The following CALML4 variants were observed in gnomAD, a reference collection of about 807,000 sequenced individuals.
The protein encoded by CALML4 is calmodulin-like protein 4.
Under a neutral mutation model 17.9 loss-of-function variants are expected in CALML4, and 16 were observed. The ratio of observed to expected loss-of-function variants is 0.89; its 90% CI spans 0.61 to 1.36. The LOEUF is 1.36. Ranked by LOEUF, CALML4 falls within the 40% of genes most tolerant of loss-of-function variation. CALML4 has a pLI of 0.00. For missense variants in CALML4, 203 were observed against 194.8 expected, an observed-to-expected ratio of 1.04 and a Z score of -0.25; for synonymous variants, 86 against 71.5, an observed-to-expected ratio of 1.20 and a Z score of -1.02.
intron 2 of CALML4, among the ~76,000 whole-genome samples, chr15:68,201,105 G>A (rs2093164212): frequency 6.6e-6 from 1 of 152,196 alleles, no homozygotes; most frequent in Non-Finnish European, 1.5e-5. Context: ...TTTCAGGGGG[G>A]TCACTAAAGA....
intron 2 of CALML4, among the ~76,000 whole-genome samples, chr15:68,202,638 G>C (rs1396283494): frequency 7.4e-6 from 1 of 135,528 alleles, no homozygotes; most frequent in Non-Finnish European, 1.5e-5. Flanking sequence ...AATGAGTTTT[G>C]CCAACTTTTT....
chr15:68,194,839 G>A (rs2093136416), intron 4 of CALML4, among the ~76,000 whole-genome samples: 1 of 151,460 alleles, frequency 6.6e-6, no homozygotes, highest in Non-Finnish European at 1.5e-5. Flanking sequence ...CTCCTCACTT[G>A]CCTGCCTTTT....
Position 68,193,185 on chromosome 15 carries a change from C to G in CALML4, c.*830G>C, listed in dbSNP as rs1445394392. 1 of 152,384 alleles carries G rather than the reference C, an allele frequency of 6.6e-6. No individual in the cohort carries two copies. Among genetic ancestry groups the G allele is most frequent in the East Asian group, 1.9e-4 (1 of 5,206 alleles). 9.4% of individuals were successfully genotyped at this position (152,384 alleles called of 1,614,324 possible). On this transcript the variant is annotated 3_prime_UTR_variant, in exon 5 of 5. Coordinates refer to ENST00000467889, the MANE Select transcript of CALML4 (RefSeq NM_033429.3). ...ATCCCGGAACCTCTCTGCCTGTTAA[C>G]AGAGCCCAGGGAACAGCTCGGAATT...
At chr15:68,194,253 TG>T (rs1437537775) in intron 4 of CALML4, 141 bp from the exon 5 acceptor site, 1 of 632,920 alleles carries the variant, frequency 1.6e-6, no homozygotes. Context: ...AGTAAACCAG[TG>T]AACAGAAAGG....
Position 68,200,006 on chromosome 15 carries a change from T to C in CALML4, c.35-325A>G. ...TGTATTTTATCTGGCTCCCCTTCCC[T>C]TTCTCCCTACTCCCTCCCTTCCTTC... On this transcript the variant is annotated intron_variant, in intron 2 of 4. Transcript: ENST00000467889. This position sits in a 1 kb window ranked among gnomAD's most constrained non-coding sequence, Gnocchi z 4.3. The C allele has an allele frequency of 5.6e-6, 1 of 177,294 alleles. No individual in the cohort carries two copies. Among genetic ancestry groups the C allele is most frequent in the Non-Finnish European group, 1.2e-5 (1 of 84,650 alleles). The allele number at this position is 177,294 out of a possible 1,614,324, so 11.0% of individuals were successfully genotyped here. A position where few individuals can be genotyped will look rare whatever the true frequency, so the allele number is the denominator to read the frequency against.
intron 4 of CALML4, among the ~76,000 whole-genome samples, chr15:68,195,140 C>A (rs1001852672): frequency 5.9e-5 from 9 of 152,074 alleles, no homozygotes; most frequent in Admixed American, 3.9e-4. Context: ...TGGCAAGAGC[C>A]ATTTCAGCTT....
At chr15:68,203,315 T>C (rs1042392524) in intron 2 of CALML4, among the ~76,000 whole-genome samples, 7 of 152,226 alleles carry the variant, frequency 4.6e-5, no homozygotes, top group African/African-American at 1.4e-4. Context: ...ATTTGACAAA[T>C]GAAGCTGCGC....
intron 4 of CALML4, 88 bp from the exon 5 acceptor site, chr15:68,194,200 G>A: frequency 2.1e-6 from 2 of 944,944 alleles, no homozygotes; most frequent in Non-Finnish European, 3.4e-6. Context: ...GCTCCCCTAA[G>A]GTCTTCCCTG....
In CALML4 at chr15:68,205,293, G is replaced by A. The variant is rs368428669; in HGVS notation, c.-46C>T. 14 of 1,613,968 alleles carry A rather than the reference G, an allele frequency of 8.7e-6. No individual in the cohort carries two copies. The highest frequency in any genetic ancestry group is 2.2e-5 in the South Asian group (2 of 91,082). ...CCGTGGGCTTGCTGCTCCCAGAACCGCGTTCAGTTCCCTTTCCTCCAGCCT... is the reference window on the plus strand; with the variant it reads ...CCGTGGGCTTGCTGCTCCCAGAACCACGTTCAGTTCCCTTTCCTCCAGCCT... On this transcript the variant is annotated 5_prime_UTR_variant, in exon 1 of 5. Transcript: ENST00000467889. This position sits in a 1 kb window ranked among gnomAD's most constrained non-coding sequence, Gnocchi z 4.8.
intron 4 of CALML4, among the ~76,000 whole-genome samples, chr15:68,195,580 CAAAGACCCATAG>C (rs1431147669): frequency 3.9e-5 from 6 of 152,282 alleles, no homozygotes; most frequent in South Asian, 2.1e-4. Context: ...CATCTCACTT[CAAAGACCCATAG>C]AAAGCCAAAG....
chr15:68,196,110 G>A (rs945113122), intron 4 of CALML4, among the ~76,000 whole-genome samples: 11 of 152,158 alleles, frequency 7.2e-5, no homozygotes, highest in South Asian at 4.1e-4. Flanking sequence ...GTGTAGTGGC[G>A]CAAGCTCGGC....
At chr15:68,194,148 T>C in intron 4 of CALML4, 36 bp from the exon 5 acceptor site, 1 of 1,552,694 alleles carries the variant, frequency 6.4e-7, no homozygotes, top group Non-Finnish European at 8.9e-7. Context: ...CAGTTTGGCT[T>C]TAGTGTTCCA....
At position 68,194,091 on chromosome 15, in the gene CALML4, G is replaced by C; in HGVS notation, c.386C>G (p.Ala129Gly). ...HKEVDDLFRE[A>G]DIEPNGKVKY... ...CACTTTGCCATTGGGTTCGATATCT[G>C]CTTCCCTGAAGAGATCATCCACTGC... The change falls in exon 5 of 5, where the codon GCA (alanine) becomes GGA (glycine). Residue 129 changes from alanine (A) to glycine (G), a missense_variant. Physicochemically the swap from Ala to Gly is moderately conservative, Grantham distance 60 (BLOSUM62 0). Coordinates refer to ENST00000467889, the MANE Select transcript of CALML4 (RefSeq NM_033429.3). The C allele has an allele frequency of 1.2e-6, 2 of 1,613,036 alleles. No individual in the cohort carries two copies. Among genetic ancestry groups the C allele is most frequent in the South Asian group, 2.2e-5 (2 of 91,062 alleles).
rs2093124099 is a variant in CALML4, at chr15:68,192,326, C to T, written c.*1689G>A. ...AGGTAATGAAGTTTAAGCACCAGGACCCTTCACTTGTTCTGGTCCTAGGAG... is the reference window on the plus strand; with the variant it reads ...AGGTAATGAAGTTTAAGCACCAGGATCCTTCACTTGTTCTGGTCCTAGGAG... On this transcript the variant is annotated 3_prime_UTR_variant, in exon 5 of 5. Transcript: ENST00000467889. 6.6e-6 allele frequency: 1 copy of T among 152,112 alleles called. No individual in the cohort carries two copies. Among genetic ancestry groups the T allele is most frequent in the African/African-American group, 2.4e-5 (1 of 41,422 alleles). The allele number at this position is 152,112 out of a possible 1,614,324, so 9.4% of individuals were successfully genotyped here. A position where few individuals can be genotyped will look rare whatever the true frequency, so the allele number is the denominator to read the frequency against.
chr15:68,205,517 G>T, upstream of CALML4: 1 of 1,046,742 alleles, frequency 9.6e-7, no homozygotes, highest in Non-Finnish European at 1.4e-6. This position sits in a 1 kb window ranked among gnomAD's most constrained non-coding sequence, Gnocchi z 4.8. Flanking sequence ...GCCTCCAGAA[G>T]CCGAAGCAAA....
Position 68,194,037 on chromosome 15 carries a change from G to A in CALML4, c.440C>T (p.Thr147Ile), listed in dbSNP as rs1437825592. 2.5e-6 allele frequency: 4 copies of A among 1,613,712 alleles called. No individual in the cohort carries two copies. Among genetic ancestry groups the A allele is most frequent in the Non-Finnish European group, 3.4e-6 (4 of 1,179,694 alleles). ...VKYDEFIHKI[T>I]LPGRDY ...CCTTCAATAGTCCCGTCCAGGAAGGGTGATCTTGTGGATAAATTCATCATA... is the reference window on the plus strand; with the variant it reads ...CCTTCAATAGTCCCGTCCAGGAAGGATGATCTTGTGGATAAATTCATCATA... The change falls in exon 5 of 5, where the codon ACC (threonine) becomes ATC (isoleucine). Residue 147 changes from threonine to isoleucine, a missense_variant. By Grantham distance (89) the Thr-to-Ile change is moderately conservative (BLOSUM62 -1). Coordinates refer to ENST00000467889, the MANE Select transcript of CALML4 (RefSeq NM_033429.3).
intron 2 of CALML4, among the ~76,000 whole-genome samples, chr15:68,201,791 A>G (rs951372552): frequency 6.6e-6 from 1 of 152,142 alleles, no homozygotes; most frequent in African/African-American, 2.4e-5. Context: ...TGAACTTTGC[A>G]TTCCTGCACT....
At chr15:68,202,075 T>G (rs1297941833) in intron 2 of CALML4, among the ~76,000 whole-genome samples, 1 of 152,208 alleles carries the variant, frequency 6.6e-6, no homozygotes, top group Non-Finnish European at 1.5e-5. Flanking sequence ...ATGAAAGGAT[T>G]AATTGGGTTA....
At position 68,191,287 on chromosome 15, in the gene CALML4, AC is replaced by A. The variant is rs1244298826; in HGVS notation, c.*2727del. ...AAACTTTCTCTCTTAGAATTTCCAT[AC>A]CGCATGCCAAACCAGTAAAATGGCT... On this transcript the variant is annotated 3_prime_UTR_variant, in exon 5 of 5. Transcript: ENST00000467889. 8 of 152,678 alleles carry A rather than the reference AC, an allele frequency of 5.2e-5. No homozygotes were observed. The highest frequency in any genetic ancestry group is 1.9e-4 in the African/African-American group (8 of 41,472). 9.5% of individuals were successfully genotyped at this position (152,678 alleles called of 1,614,324 possible).
Sources: gnomAD v4.1 joint callset for allele counts (sites outside exome capture counted in the v4.1 genomes callset) on GRCh38, gnomAD v4.1.1 for gene constraint, Gnocchi (gnomAD v3.1) non-coding constraint, MANE v1.5 for transcripts, NCBI Gene and HGNC (gene_info 2026-07-23, HGNC 2026-07-21) for gene names.